ACKR3: variants seen among roughly 807,000 people sequenced by gnomAD.
ACKR3 encodes the protein C-X-C chemokine receptor type 7.
In ACKR3, 6 loss-of-function variants were observed where a neutral mutation model predicts 22.4. That is an observed-to-expected ratio of 0.27 (90% CI 0.15 to 0.53). The LOEUF (loss-of-function observed/expected upper bound fraction) is 0.53, where lower values mean the gene tolerates loss of function less well. Among genes scored for constraint, ACKR3 ranks in the 20% least tolerant of loss-of-function variants. The pLI, the probability that ACKR3 is intolerant of heterozygous loss-of-function variation, is 0.96. For missense variants in ACKR3, 396 were observed against 475.2 expected, an observed-to-expected ratio of 0.83 and a Z score of 1.55; for synonymous variants, 209 against 205.2, an observed-to-expected ratio of 1.02 and a Z score of -0.16.
chr2:236,545,960 G>A, the ACKR3 span, among the ~76,000 whole-genome samples: 2 of 152,176 alleles, frequency 1.3e-5, no homozygotes, highest in African/African-American at 4.8e-5. This position sits in a 1 kb window ranked among gnomAD's most constrained non-coding sequence, Gnocchi z 5.3. Context: ...GTGGACAGCT[G>A]TTCTCTGTTT....
In ACKR3 at chr2:236,580,831, C is replaced by G. The variant is rs779529043; in HGVS notation, c.366C>G (p.Leu122=). ...AGCTCACGTGCAAAGTCACACACCT[C>G]ATCTTCTCCATCAACCTCTTCGGCA... The part of the protein sequence containing the change: ...MGELTCKVTH[L]IFSINLFGSI... The change falls in exon 2 of 2, where the codon CTC becomes CTG. Residue 122 remains leucine, a synonymous_variant. Transcript: ENST00000272928. 6.2e-7 allele frequency: 1 copy of G among 1,614,208 alleles called. No individual in the cohort carries two copies. Among genetic ancestry groups the G allele is most frequent in the South Asian group, 1.1e-5 (1 of 91,078 alleles).
At chr2:236,547,960 C>T in the ACKR3 span, among the ~76,000 whole-genome samples, 1 of 152,100 alleles carries the variant, frequency 6.6e-6, no homozygotes, top group South Asian at 2.1e-4. Context: ...CTCAGAGGAG[C>T]CACTTTCCCT....
At chr2:236,556,390 G>A in the ACKR3 span, among the ~76,000 whole-genome samples, 1 of 152,110 alleles carries the variant, frequency 6.6e-6, no homozygotes, top group Non-Finnish European at 1.5e-5. Context: ...AAAGGGGTGT[G>A]ATTAAGTTCA....
chr2:236,557,860 G>T, the ACKR3 span, among the ~76,000 whole-genome samples: 16 of 152,168 alleles, frequency 1.1e-4, no homozygotes, highest in Admixed American at 1.0e-3. Flanking sequence ...TGATATGCAT[G>T]CCAGAAACGT....
the ACKR3 span, among the ~76,000 whole-genome samples, chr2:236,543,981 A>C: frequency 1.7e-5 from 1 of 58,990 alleles, no homozygotes; most frequent in East Asian, 4.9e-4. Flanking sequence ...ATATATATAT[A>C]TATATATATA....
upstream of ACKR3, among the ~76,000 whole-genome samples, chr2:236,566,079 C>T (rs989488915): frequency 6.6e-6 from 1 of 152,186 alleles, no homozygotes; most frequent in African/African-American, 2.4e-5. Context: ...CAGACCCTAC[C>T]GGCCGCCGCT....
rs924877090 is a variant in ACKR3, at chr2:236,577,966, G to A, written c.-26-2474G>A. ...CTCCTCTGCTCCCCGGGACTCTGGG[G>A]TCAGATGAGATCATGGGGGAAAGTG... On this transcript the variant is annotated intron_variant, in intron 1 of 1. Transcript: ENST00000272928. This position sits in a 1 kb window ranked among gnomAD's most constrained non-coding sequence, Gnocchi z 5.6. 6.6e-6 allele frequency among the ~76,000 whole-genome samples: 1 copy of A among 152,216 alleles called. No homozygotes were observed. Among genetic ancestry groups the A allele is most frequent in the African/African-American group, 2.4e-5 (1 of 41,458 alleles).
At chr2:236,560,529 T>C in the ACKR3 span, among the ~76,000 whole-genome samples, 66 of 152,280 alleles carry the variant, frequency 4.3e-4, 1 homozygote, top group Middle Eastern at 6.8e-3. Flanking sequence ...TAGACTATTG[T>C]TCTTTTTTTC....
At chr2:236,537,203 T>TTAG in the ACKR3 span, among the ~76,000 whole-genome samples, 1 of 152,174 alleles carries the variant, frequency 6.6e-6, no homozygotes, top group Non-Finnish European at 1.5e-5. Context: ...CTAATCCTGA[T>TTAG]TGGATTCTAG....
chr2:236,552,990 A>G, the ACKR3 span, among the ~76,000 whole-genome samples: 1 of 152,200 alleles, frequency 6.6e-6, no homozygotes, highest in East Asian at 1.9e-4. Context: ...CCTTCTGCAC[A>G]TTGGCCCATG....
At chr2:236,567,738 C>G (rs920089966), upstream of ACKR3, 2 of 152,350 alleles carry the variant, frequency 1.3e-5, no homozygotes, top group African/African-American at 4.8e-5. Context: ...TCCAGCAGCC[C>G]CGCCCGGCGG....
At chr2:236,553,605 A>G in the ACKR3 span, among the ~76,000 whole-genome samples, 1 of 152,260 alleles carries the variant, frequency 6.6e-6, no homozygotes, top group African/African-American at 2.4e-5. Context: ...AAGTCTGAGA[A>G]CCAAAAAGGA....
chr2:236,560,295 G>A, the ACKR3 span, among the ~76,000 whole-genome samples: 7 of 144,932 alleles, frequency 4.8e-5, no homozygotes, highest in South Asian at 2.2e-4. Context: ...ATTTCTCCAC[G>A]TCCTCACCAG....
chr2:236,550,403 G>T, the ACKR3 span, among the ~76,000 whole-genome samples: 3 of 152,352 alleles, frequency 2.0e-5, no homozygotes, highest in East Asian at 5.8e-4. This position sits in a 1 kb window ranked among gnomAD's most constrained non-coding sequence, Gnocchi z 4.6. Flanking sequence ...GTTTCCATTG[G>T]TGTAGTTAGG....
chr2:236,580,070 A>T (rs756575804), intron 1 of ACKR3, among the ~76,000 whole-genome samples: 1 of 152,216 alleles, frequency 6.6e-6, no homozygotes, highest in Non-Finnish European at 1.5e-5. Flanking sequence ...TGAGCAGGCC[A>T]TCAGCATCGC....
Position 236,581,250 on chromosome 2 carries a change from T to C in ACKR3, c.785T>C (p.Leu262Pro). ...ATCTTCTCCTACGTGGTGGTCTTCC[T>C]TGTCTGCTGGCTGCCCTACCACGTG... ...KIIFSYVVVFLVCWLPYHVAV... is the reference protein window; with the variant it reads ...KIIFSYVVVFPVCWLPYHVAV... Residue 262 changes from leucine (L) to proline (P), a missense_variant, in exon 2 of 2, where the codon CTT (leucine) becomes CCT (proline). Transcript: ENST00000272928. The surrounding 1 kb of genome is among the most constrained non-coding windows in gnomAD (Gnocchi z 4.4). The C allele has an allele frequency of 6.2e-7, 1 of 1,614,054 alleles. No individual in the cohort carries two copies. Among genetic ancestry groups the C allele is most frequent in the Non-Finnish European group, 8.5e-7 (1 of 1,179,946 alleles).
chr2:236,545,885 A>C, the ACKR3 span, among the ~76,000 whole-genome samples: 1 of 152,240 alleles, frequency 6.6e-6, no homozygotes, highest in Non-Finnish European at 1.5e-5. The surrounding 1 kb of genome is among the most constrained non-coding windows in gnomAD (Gnocchi z 5.3). Flanking sequence ...ACACACCGAA[A>C]ACATACGGCG....
the ACKR3 span, among the ~76,000 whole-genome samples, chr2:236,547,216 C>T: frequency 6.6e-6 from 1 of 152,150 alleles, no homozygotes; most frequent in Non-Finnish European, 1.5e-5. Context: ...CCCAGAGCCT[C>T]TTTATAGAGA....
rs781201337 is a variant in ACKR3 at position 236,581,273 on chromosome 2, G to A, written c.808G>A (p.Val270Met). ...CCTTGTCTGCTGGCTGCCCTACCAC[G>A]TGGCGGTGCTGCTGGACATCTTCTC... is the stretch of plus-strand genomic sequence containing the variant. Reference protein sequence around the residue: ...VFLVCWLPYHVAVLLDIFSIL... With the variant: ...VFLVCWLPYHMAVLLDIFSIL... The change falls in exon 2 of 2, where the codon GTG becomes ATG. Residue 270 changes from valine to methionine, a missense_variant. Val to Met is a conservative substitution (Grantham distance 21). Coordinates refer to ENST00000272928, the MANE Select transcript of ACKR3 (RefSeq NM_020311.3). This position sits in a 1 kb window ranked among gnomAD's most constrained non-coding sequence, Gnocchi z 4.4. 57 of 1,613,904 alleles carry A rather than the reference G, an allele frequency of 3.5e-5. No individual in the cohort carries two copies. The highest frequency in any genetic ancestry group is 4.4e-5 in the Non-Finnish European group (52 of 1,179,962).
Sources: allele counts gnomAD v4.1 joint callset (sites outside exome capture counted in the v4.1 genomes callset), GRCh38; gene constraint gnomAD v4.1.1; non-coding constraint Gnocchi (gnomAD v3.1); transcripts MANE v1.5; gene names NCBI Gene and HGNC (gene_info 2026-07-23, HGNC 2026-07-21).